Variants in GPC3 observed in about 807,000 individuals in gnomAD.
The protein encoded by GPC3 is glypican 3.
A neutral mutation model predicts 34.4 loss-of-function variants in GPC3; 3 were observed. That is an observed-to-expected ratio of 0.09 (90% CI 0.04 to 0.23). The LOEUF is 0.23. Ranked by LOEUF, GPC3 falls within the 10% of genes least tolerant of loss-of-function variation. The pLI, the probability that GPC3 is intolerant of heterozygous loss-of-function variation, is 1.00. For missense variants in GPC3, 351 were observed against 445.6 expected, an observed-to-expected ratio of 0.79 and a Z score of 1.91; for synonymous variants, 177 against 174.0, an observed-to-expected ratio of 1.02 and a Z score of -0.13.
At chrX:133,976,927 TAATAAATAAATAAATA>T (rs3040476) in intron 1 of GPC3, among the ~76,000 whole-genome samples, 6 of 94,077 alleles carry the variant, frequency 6.4e-5, no homozygotes, top group African/African-American at 2.4e-4. Flanking sequence ...CAAAAAATGA[TAATAAATAAATAAATA>T]AATAAATAAA....
chrX:133,905,044 G>A (rs1422690362), intron 2 of GPC3, among the ~76,000 whole-genome samples: 3 of 111,844 alleles, frequency 2.7e-5, no homozygotes, highest in African/African-American at 9.8e-5. Context: ...TCTTTTCAAA[G>A]TAAGTCTCCC....
At chrX:133,757,656 C>T (rs2071739918) in intron 2 of GPC3, among the ~76,000 whole-genome samples, 2 of 110,927 alleles carry the variant, frequency 1.8e-5, no homozygotes, top group Non-Finnish European at 3.8e-5. Context: ...TAGGGTAAGG[C>T]AGTCCTTATA....
intron 2 of GPC3, among the ~76,000 whole-genome samples, chrX:133,922,040 T>C (rs1223551957): frequency 8.9e-6 from 1 of 112,607 alleles, no homozygotes; most frequent in Non-Finnish European, 1.9e-5. Flanking sequence ...CCGGCTACTC[T>C]GCCCCATCTG....
intron 5 of GPC3, among the ~76,000 whole-genome samples, chrX:133,675,014 G>T (rs2070869097): frequency 9.0e-6 from 1 of 111,611 alleles, no homozygotes; most frequent in Non-Finnish European, 1.9e-5. Flanking sequence ...ACAGGAAAAA[G>T]TGTGCCTGGT....
chrX:133,823,128 CAAAAAAAAAAAAAAAAAAAAAAAAAA>C (rs34231185), intron 2 of GPC3, among the ~76,000 whole-genome samples: 10 of 18,861 alleles, frequency 5.3e-4, no homozygotes, highest in African/African-American at 2.2e-3. Context: ...GACTCCGTCT[CAAAAAAAAAAAAAAAAAAAAAAAAAA>C]AAAAAAAAAA....
At chrX:133,907,906 C>G (rs1336728116) in intron 2 of GPC3, among the ~76,000 whole-genome samples, 1 of 110,716 alleles carries the variant, frequency 9.0e-6, no homozygotes, top group Non-Finnish European at 1.9e-5. Context: ...GTCCATTTGA[C>G]TAAATCCTTA....
At chrX:133,732,470 A>G (rs1281052132) in intron 3 of GPC3, among the ~76,000 whole-genome samples, 1 of 111,713 alleles carries the variant, frequency 9.0e-6, no homozygotes, top group Non-Finnish European at 1.9e-5. Context: ...TTAATTGACT[A>G]AGGAAACTGA....
chrX:133,837,454 CTAAAGGTTA>C (rs1213591524), intron 2 of GPC3, among the ~76,000 whole-genome samples: 2 of 111,868 alleles, frequency 1.8e-5, no homozygotes, highest in African/African-American at 6.5e-5. Context: ...AACCTATAGC[CTAAAGGTTA>C]AAGGATTGCT....
chrX:133,582,296 T>G (rs931745801), intron 7 of GPC3, among the ~76,000 whole-genome samples: 3 of 112,336 alleles, frequency 2.7e-5, no homozygotes, highest in African/African-American at 9.7e-5. Context: ...GTTTAACAAC[T>G]GACTCACAGG....
At chrX:133,724,056 C>T (rs1328183397) in intron 3 of GPC3, among the ~76,000 whole-genome samples, 2 of 112,041 alleles carry the variant, frequency 1.8e-5, no homozygotes, top group Middle Eastern at 4.6e-3. Context: ...GTCCACATTA[C>T]GTTATCACAT....
chrX:133,601,192 T>C (rs1240891237), intron 6 of GPC3, among the ~76,000 whole-genome samples: 1 of 111,959 alleles, frequency 8.9e-6, no homozygotes, highest in African/African-American at 3.2e-5. Context: ...AACTTTCTTT[T>C]AGAATCTAAT....
At chrX:133,694,408 C>A (rs998594042) in intron 4 of GPC3, among the ~76,000 whole-genome samples, 4 of 111,135 alleles carry the variant, frequency 3.6e-5, no homozygotes, top group African/African-American at 1.3e-4. Flanking sequence ...AGAAGAGGCT[C>A]AATACAGAGC....
Position 133,699,076 on chromosome X carries a change from T to C in GPC3, c.1166+819A>G, listed in dbSNP as rs961785714. ...CAGGCTTTGTCAGTTTTTCTTACTA[T>C]CCTTTCTTTTCCTTGGAGGATGAAT... On this transcript the variant is annotated intron_variant, in intron 4 of 7. Transcript: ENST00000370818. Among the ~76,000 whole-genome samples, 4 of 111,980 alleles carry C rather than the reference T, an allele frequency of 3.6e-5. No homozygotes were observed. In the Admixed American group the frequency reaches 3.8e-4, roughly 11 times the overall value.
intron 6 of GPC3, among the ~76,000 whole-genome samples, chrX:133,661,328 A>G (rs948001975): frequency 6.3e-5 from 7 of 111,985 alleles, no homozygotes; most frequent in Admixed American, 9.5e-5. Context: ...GACAAATATT[A>G]GAAGAGAACA....
chrX:133,756,294 T>G (rs769747067), intron 2 of GPC3, among the ~76,000 whole-genome samples: 1 of 112,292 alleles, frequency 8.9e-6, no homozygotes, highest in East Asian at 2.8e-4. Context: ...CCAATACATA[T>G]AGTCTCAAAA....
rs534034025 is a variant in GPC3, at chrX:133,677,701, G to A, written c.1292+14668C>T. Among the ~76,000 whole-genome samples the A allele has an allele frequency of 1.2e-4, 14 of 112,073 alleles. No individual in the cohort carries two copies. The South Asian group carries it at 4.5e-3, about 36-fold the overall frequency. On this transcript the variant is annotated intron_variant, in intron 5 of 7. Coordinates refer to ENST00000370818, the MANE Select transcript of GPC3 (RefSeq NM_004484.4). The stretch of plus-strand genomic sequence containing the variant: ...GAGAGCTAGCCTCAGAGGCAGGTGA[G>A]TGCCATTTTCTAGCAAGGGGCTGAA...
At chrX:133,963,080 C>T (rs2076448444) in intron 1 of GPC3, among the ~76,000 whole-genome samples, 1 of 112,398 alleles carries the variant, frequency 8.9e-6, no homozygotes, top group South Asian at 3.7e-4. Flanking sequence ...AAGCAAAGGA[C>T]TTGCTTTCGC....
chrX:133,890,710 A>G (rs1049534147), intron 2 of GPC3, among the ~76,000 whole-genome samples: 13 of 109,858 alleles, frequency 1.2e-4, no homozygotes, highest in African/African-American at 4.3e-4. Flanking sequence ...ATACAAAAAA[A>G]TTAACTGGGT....
At chrX:133,669,547 C>T (rs1279295192) in intron 5 of GPC3, among the ~76,000 whole-genome samples, 1 of 112,187 alleles carries the variant, frequency 8.9e-6, no homozygotes, top group East Asian at 2.8e-4. Flanking sequence ...GATGAGCCAG[C>T]GTGGCCCCAA....
Sources: gnomAD v4.1 joint callset for allele counts (sites outside exome capture counted in the v4.1 genomes callset) on GRCh38, gnomAD v4.1.1 for gene constraint, MANE v1.5 for transcripts, NCBI Gene and HGNC (gene_info 2026-07-23, HGNC 2026-07-21) for gene names.